TPR: variants seen among roughly 807,000 people sequenced by gnomAD.
TPR encodes translocated promoter region, nuclear basket protein.
In TPR, 51 loss-of-function variants were observed where a neutral mutation model predicts 316.1. That is an observed-to-expected ratio of 0.16 (90% CI 0.13 to 0.20). The LOEUF (loss-of-function observed/expected upper bound fraction) is 0.20, where lower values mean the gene tolerates loss of function less well. Ranked by LOEUF, TPR falls within the 10% of genes least tolerant of loss-of-function variation. The pLI, the probability that TPR is intolerant of heterozygous loss-of-function variation, is 1.00. For missense variants in TPR, 2,272 were observed against 2,754.8 expected (o/e 0.82, Z 3.92); for synonymous variants, 981 against 914.7 (o/e 1.07, Z -1.31).
At position 186,313,862 on chromosome 1, in the gene TPR, T is replaced by C. The variant is rs184221402; in HGVS notation, c.*109A>G. Reference sequence around the variant, plus strand: ...AAAAACATTTTATTAATAAAGAATATTGACATGAGTATACCAGTTTATATA... The same window carrying C: ...AAAAACATTTTATTAATAAAGAATACTGACATGAGTATACCAGTTTATATA... On this transcript the variant is annotated 3_prime_UTR_variant, in exon 51 of 51. Coordinates refer to ENST00000367478, the MANE Select transcript of TPR (RefSeq NM_003292.3). 4.4e-4 allele frequency: 652 copies of C among 1,467,318 alleles called. 16 individuals carry two copies. The Admixed American group carries it at 9.6e-3, about 22-fold the overall frequency. 90.9% of individuals were successfully genotyped at this position (1,467,318 alleles called of 1,614,324 possible).
chr1:186,363,445 T>A lies in TPR; in HGVS notation c.428A>T (p.Glu143Val). The change falls in exon 5 of 51, where the codon GAG (glutamate) becomes GTG (valine). Residue 143 changes from glutamate (E) to valine (V), a missense_variant and splice_region_variant. Around this residue, in one of 10 missense-constraint regions of TPR, gnomAD observed 549 missense variants for 598.6 expected, o/e 0.92. Coordinates refer to ENST00000367478, the MANE Select transcript of TPR (RefSeq NM_003292.3). ...RLSQELEYLT[E>V]DVKRLNEKLK... ...TTTTTCATTCAGACGTTTAACATCC[T>A]CTAGAATGGTGAAGAGAATTAAAAA... 1 of 1,590,558 alleles carries A rather than the reference T, an allele frequency of 6.3e-7. No homozygotes were observed. Among genetic ancestry groups the A allele is most frequent in the East Asian group, 2.2e-5 (1 of 44,618 alleles).
intron 3 of TPR, among the ~76,000 whole-genome samples, 178 bp downstream of exon 3, chr1:186,370,788 AATCT>A (rs1366915828): frequency 6.6e-6 from 1 of 152,156 alleles, no homozygotes; most frequent in Non-Finnish European, 1.5e-5. Context: ...AGAGATGTCC[AATCT>A]ATCAATAAAA....
chr1:186,345,529 G>A, intron 24 of TPR, 51 bp downstream of exon 24: 1 of 1,393,060 alleles, frequency 7.2e-7, no homozygotes, highest in Non-Finnish European at 1.0e-6. Flanking sequence ...TATACTTCAA[G>A]AATCATTCTC....
chr1:186,350,246 T>A lies in TPR; in HGVS notation c.2753A>T (p.Gln918Leu). Residue 918 changes from glutamine to leucine, a missense_variant, in exon 21 of 51, where the codon CAG becomes CTG. Physicochemically the swap from Gln to Leu is moderately radical, Grantham distance 113 (BLOSUM62 -2). Transcript: ENST00000367478. ...ACCTTTACCAGTTCTCTGTGAAGACTGAGAAGCAACTTGGACTTCCATATT... is the reference window on the plus strand; with the variant it reads ...ACCTTTACCAGTTCTCTGTGAAGACAGAGAAGCAACTTGGACTTCCATATT... ...LSNMEVQVAS[Q>L]SSQRTGKGQP... 2 of 1,611,182 alleles carry A rather than the reference T, an allele frequency of 1.2e-6. No homozygotes were observed. Among genetic ancestry groups the A allele is most frequent in the Non-Finnish European group, 1.7e-6 (2 of 1,179,252 alleles).
chr1:186,344,648 A>G (rs1021508802), intron 24 of TPR, 70 bp from the exon 25 acceptor site: 2 of 1,201,292 alleles, frequency 1.7e-6, no homozygotes, highest in African/African-American at 3.1e-5. Context: ...ACTTGTCCAA[A>G]GATACACATT....
At chr1:186,350,438 A>T (rs1203435607) in intron 20 of TPR, 50 bp from the exon 21 acceptor site, 3 of 1,368,386 alleles carry the variant, frequency 2.2e-6, no homozygotes, top group Non-Finnish European at 2.9e-6. Context: ...TAAGTAACTA[A>T]AGGTTCAAAC....
rs774093781 is a variant in TPR at position 186,362,285 on chromosome 1, T to C, written c.789+3A>G. The C allele has an allele frequency of 5.0e-6, 8 of 1,607,704 alleles. No individual in the cohort carries two copies. The East Asian group carries it at 8.9e-5, about 18-fold the overall frequency. On this transcript the variant is annotated splice_donor_region_variant and intron_variant, in intron 7 of 50. Coordinates refer to ENST00000367478, the MANE Select transcript of TPR (RefSeq NM_003292.3). ...AAAAAGACATTTTAATGGTCATATATACCTCTTTTAATTTGGTCAACAGAT... is the reference window on the plus strand; with the variant it reads ...AAAAAGACATTTTAATGGTCATATACACCTCTTTTAATTTGGTCAACAGAT...
chr1:186,340,921 AAC>A (rs1220751125), intron 29 of TPR, 105 bp downstream of exon 29: 142 of 1,378,074 alleles, frequency 1.0e-4, no homozygotes, highest in East Asian at 1.4e-4. Flanking sequence ...TTCACTAATA[AAC>A]ACAGTAATTT....
intron 11 of TPR, 82 bp downstream of exon 11, chr1:186,360,191 T>C: frequency 1.3e-6 from 2 of 1,486,470 alleles, no homozygotes; most frequent in Non-Finnish European, 1.8e-6. Flanking sequence ...TAAAAATAAG[T>C]TTTGGGAGAA....
At chr1:186,315,721 G>C (rs928334383) in intron 49 of TPR, among the ~76,000 whole-genome samples, 1 of 151,442 alleles carries the variant, frequency 6.6e-6, no homozygotes, top group Non-Finnish European at 1.5e-5. Flanking sequence ...TGATCTACTC[G>C]ATCTATCCTC....
chr1:186,322,735 G>A (rs1452504752), intron 43 of TPR, 149 bp from the exon 44 acceptor site: 90 of 727,628 alleles, frequency 1.2e-4, no homozygotes, highest in Non-Finnish European at 8.7e-5. Context: ...AACCTGCCAA[G>A]AAATCACTTT....
chr1:186,358,498 C>T, intron 13 of TPR, 45 bp downstream of exon 13: 1 of 1,428,330 alleles, frequency 7.0e-7, no homozygotes. Flanking sequence ...GATTACTGGG[C>T]AGTCAGGTTT....
intron 40 of TPR, 150 bp from the exon 41 acceptor site, chr1:186,326,385 C>T (rs1657933406): frequency 6.1e-6 from 7 of 1,156,272 alleles, no homozygotes; most frequent in Admixed American, 5.3e-5. Flanking sequence ...TACAGCAGCA[C>T]CAAATACCAC....
Position 186,311,993 on chromosome 1 carries a change from G to C in TPR, c.*1978C>G. 3.4e-6 allele frequency: 2 copies of C among 586,632 alleles called. No individual in the cohort carries two copies. Among genetic ancestry groups the C allele is most frequent in the Non-Finnish European group, 5.9e-6 (2 of 337,376 alleles). The allele number at this position is 586,632 out of a possible 1,614,324, so 36.3% of individuals were successfully genotyped here. The stretch of plus-strand genomic sequence containing the variant: ...TTTGCTGCATCTATTCATTCAACAA[G>C]TATTTCAGTTTAATAATTATTTTTA... On this transcript the variant is annotated 3_prime_UTR_variant, in exon 51 of 51. Transcript: ENST00000367478.
chr1:186,339,865 T>C (rs1658460535), intron 29 of TPR, 93 bp from the exon 30 acceptor site: 1 of 1,068,622 alleles, frequency 9.4e-7, no homozygotes, highest in African/African-American at 1.6e-5. Context: ...ATGTTTATAT[T>C]AGGTGTCCTG....
At chr1:186,351,540 A>G (rs1658861693) in intron 19 of TPR, 70 bp from the exon 20 acceptor site, 1 of 1,469,410 alleles carries the variant, frequency 6.8e-7, no homozygotes, top group Non-Finnish European at 9.0e-7. Flanking sequence ...AATTGAAGGC[A>G]AGAAAGAATT....
chr1:186,349,671 A>AT (rs1658798655), intron 21 of TPR, among the ~76,000 whole-genome samples: 3 of 151,404 alleles, frequency 2.0e-5, no homozygotes, highest in South Asian at 2.1e-4. Context: ...AAAAAAAAAA[A>AT]AAAAATAAAT....
At chr1:186,362,087 C>G (rs1215688029) in intron 7 of TPR, among the ~76,000 whole-genome samples, 1 of 151,870 alleles carries the variant, frequency 6.6e-6, no homozygotes, top group Admixed American at 6.6e-5. Flanking sequence ...AACCCATACT[C>G]ATTTTTTAGA....
Position 186,312,630 on chromosome 1 carries a change from CATT to C in TPR, c.*1338_*1340del. 1.1e-6 allele frequency: 1 copy of C among 927,422 alleles called. No individual in the cohort carries two copies. The highest frequency in any genetic ancestry group is 2.5e-5 in the East Asian group (1 of 39,828). The allele number at this position is 927,422 out of a possible 1,614,324, so 57.4% of individuals were successfully genotyped here. On this transcript the variant is annotated 3_prime_UTR_variant, in exon 51 of 51. Transcript: ENST00000367478. ...TTTATCAAGTACTTCTTACCAAGAACATTATATACCAGTCTATAACCCTCAATA... is the reference window on the plus strand; with the variant it reads ...TTTATCAAGTACTTCTTACCAAGAACATATACCAGTCTATAACCCTCAATA...
Sources: gnomAD v4.1 joint callset for allele counts (sites outside exome capture counted in the v4.1 genomes callset) on GRCh38, gnomAD v4.1.1 for gene constraint, gnomAD v4.1.1 regional missense constraint, MANE v1.5 for transcripts, NCBI Gene and HGNC (gene_info 2026-07-23, HGNC 2026-07-21) for gene names.